The following ZNF608 variants were observed in gnomAD, a reference collection of about 807,000 sequenced individuals.
ZNF608 encodes the protein zinc finger protein 608, also known as renal carcinoma antigen NY-REN-36.
A neutral mutation model predicts 109.0 loss-of-function variants in ZNF608; 12 were observed. The ratio of observed to expected loss-of-function variants is 0.11; its 90% CI spans 0.07 to 0.18. The LOEUF (loss-of-function observed/expected upper bound fraction) is 0.18. Among genes scored for constraint, ZNF608 ranks in the 10% least tolerant of loss-of-function variants. ZNF608 has a pLI of 1.00. For synonymous variants in ZNF608, 732 were observed against 717.4 expected (o/e 1.02, Z -0.33); for missense variants, 1,707 against 1,879.3 (o/e 0.91, Z 1.70).
At chr5:124,673,898 T>C (rs1050499353) in intron 3 of ZNF608, among the ~76,000 whole-genome samples, 1 of 152,216 alleles carries the variant, frequency 6.6e-6, no homozygotes, top group South Asian at 2.1e-4. Context: ...TTTGATGCCT[T>C]TTGCTGCTTA....
intron 3 of ZNF608, among the ~76,000 whole-genome samples, chr5:124,676,986 C>A (rs865783001): frequency 2.0e-5 from 3 of 152,022 alleles, no homozygotes; most frequent in Admixed American, 1.3e-4. Flanking sequence ...TTAAAAAAGT[C>A]CTGAAAGTGA....
At chr5:124,696,167 A>G (rs188302570) in intron 3 of ZNF608, among the ~76,000 whole-genome samples, 172 of 152,074 alleles carry the variant, frequency 1.1e-3, no homozygotes, top group Non-Finnish European at 1.9e-3. Context: ...CTGGGCAACA[A>G]GAGTGAAACT....
chr5:124,638,397 C>T (rs992726684), intron 9 of ZNF608, among the ~76,000 whole-genome samples: 9 of 152,120 alleles, frequency 5.9e-5, no homozygotes, highest in Non-Finnish European at 1.2e-4. Flanking sequence ...GCTGGAATTA[C>T]AGACGCACAC....
chr5:124,745,295 T>C, intron 1 of ZNF608, 123 bp from the exon 2 acceptor site: 1 of 815,826 alleles, frequency 1.2e-6, no homozygotes, highest in Non-Finnish European at 1.6e-6. Context: ...GGCTCATGTA[T>C]TGTCCTCACA....
chr5:124,703,780 A>T (rs2149854372), intron 2 of ZNF608, among the ~76,000 whole-genome samples: 1 of 152,198 alleles, frequency 6.6e-6, no homozygotes, highest in African/African-American at 2.4e-5. Context: ...AAAAACAACA[A>T]CAACAGCAAC....
intron 2 of ZNF608, among the ~76,000 whole-genome samples, chr5:124,737,067 C>CA (rs1010326739): frequency 1.3e-5 from 2 of 152,162 alleles, no homozygotes; most frequent in African/African-American, 4.8e-5. Context: ...GAAAACACAT[C>CA]AAAACCTTAA....
chr5:124,726,257 C>T (rs754781577), intron 2 of ZNF608, among the ~76,000 whole-genome samples: 9 of 152,110 alleles, frequency 5.9e-5, no homozygotes, highest in South Asian at 2.1e-4. Flanking sequence ...TAGTCTTTTC[C>T]ATTGGAACTA....
chr5:124,683,854 C>T (rs1036171615), intron 3 of ZNF608, among the ~76,000 whole-genome samples: 1 of 152,186 alleles, frequency 6.6e-6, no homozygotes, highest in Non-Finnish European at 1.5e-5. Flanking sequence ...GGATCTGGTA[C>T]AGGCACGTTA....
At chr5:124,656,693 T>C (rs986231301) in intron 3 of ZNF608, among the ~76,000 whole-genome samples, 5 of 152,016 alleles carry the variant, frequency 3.3e-5, no homozygotes, top group Non-Finnish European at 5.9e-5. Flanking sequence ...ACTGTACTTA[T>C]CTCTTTCAAA....
intron 3 of ZNF608, among the ~76,000 whole-genome samples, chr5:124,662,182 T>C (rs1222758851): frequency 6.6e-6 from 1 of 152,250 alleles, no homozygotes; most frequent in Non-Finnish European, 1.5e-5. Flanking sequence ...TCTTCTTCAA[T>C]TGACGTTTGT....
intron 8 of ZNF608, 121 bp from the exon 9 acceptor site, chr5:124,639,335 G>GA: frequency 1.3e-6 from 1 of 764,452 alleles, no homozygotes. Context: ...ACACACACAT[G>GA]AACTGTTTCA....
At chr5:124,656,644 C>A (rs1751021373) in intron 3 of ZNF608, among the ~76,000 whole-genome samples, 1 of 152,024 alleles carries the variant, frequency 6.6e-6, no homozygotes, top group Non-Finnish European at 1.5e-5. Flanking sequence ...AAATGCTGTT[C>A]TACTCTGCAT....
At chr5:124,748,798 A>AG (rs983898602), upstream of ZNF608, 1 of 68,152 alleles carries the variant, frequency 1.5e-5, no homozygotes, top group Non-Finnish European at 4.1e-5. Context: ...ACACACACAC[A>AG]GGGGGAGTGG....
At chr5:124,714,454 A>G (rs542418536) in intron 2 of ZNF608, among the ~76,000 whole-genome samples, 59 of 152,312 alleles carry the variant, frequency 3.9e-4, no homozygotes, top group African/African-American at 1.4e-3. Context: ...CACACATCAC[A>G]TGTCTCACTA....
chr5:124,656,216 A>G (rs1198672328), intron 3 of ZNF608, among the ~76,000 whole-genome samples: 1 of 152,150 alleles, frequency 6.6e-6, no homozygotes, highest in African/African-American at 2.4e-5. Flanking sequence ...TAACAAAAGG[A>G]AGTGTAATGA....
rs1184871335 is a variant in ZNF608, at chr5:124,744,869, A to AATCAGCGTCCAAATCAATTATT, written c.99_120dup (p.Leu41AsnfsTer3). The AATCAGCGTCCAAATCAATTATT allele has an allele frequency of 6.2e-7, 1 of 1,613,976 alleles. No homozygotes were observed. The highest frequency in any genetic ancestry group is 8.5e-7 in the Non-Finnish European group (1 of 1,180,010). ...TCAAATTTCTGTCTGTCCTTCTCCA[A>AATCAGCGTCCAAATCAATTATT]ATCAGCGTCCAAATCAATTATTAAA... On this transcript the variant is annotated stop_gained and frameshift_variant, in exon 2 of 10. Transcript: ENST00000513986. LOFTEE classifies it high-confidence loss of function. This position sits in a 1 kb window ranked among gnomAD's most constrained non-coding sequence, Gnocchi z 4.5.
intron 3 of ZNF608, among the ~76,000 whole-genome samples, chr5:124,694,375 A>G (rs1752756379): frequency 6.6e-6 from 1 of 151,780 alleles, no homozygotes; most frequent in Non-Finnish European, 1.5e-5. Flanking sequence ...TTTACTAAAA[A>G]AATTTTTTTT....
chr5:124,688,732 T>G (rs1270754015), intron 3 of ZNF608, among the ~76,000 whole-genome samples: 2 of 152,224 alleles, frequency 1.3e-5, no homozygotes, highest in Non-Finnish European at 2.9e-5. Context: ...ATCTAAGAAG[T>G]TGAAAGCAAT....
rs1395755722 is a variant in ZNF608 at position 124,646,166 on chromosome 5, T to TC, written c.3705+512dup. On this transcript the variant is annotated intron_variant, in intron 5 of 9. Coordinates refer to ENST00000513986, the MANE Select transcript of ZNF608 (RefSeq NM_020747.3). ...TCATGAGGTCAGGAGATCGAGACCA[T>TC]CTCGCTAACACGGTGAAACCCCATC... Among the ~76,000 whole-genome samples, 12 of 152,020 alleles carry TC rather than the reference T, an allele frequency of 7.9e-5. No homozygotes were observed. The South Asian group carries it at 1.9e-3, about 24-fold the overall frequency.
Sources: allele counts gnomAD v4.1 joint callset (sites outside exome capture counted in the v4.1 genomes callset), GRCh38; gene constraint gnomAD v4.1.1; non-coding constraint Gnocchi (gnomAD v3.1); transcripts MANE v1.5; gene names NCBI Gene and HGNC (gene_info 2026-07-23, HGNC 2026-07-21).